Variants in RPH3AL observed in about 807,000 individuals in gnomAD.
RPH3AL encodes rab effector Noc2.
A neutral mutation model predicts 43.1 loss-of-function variants in RPH3AL; 38 were observed. That is an observed-to-expected ratio of 0.88 (90% CI 0.68 to 1.15). The LOEUF (loss-of-function observed/expected upper bound fraction) is 1.15. Among genes scored for constraint, RPH3AL ranks in the 50% most tolerant of loss-of-function variants. The pLI is 0.00. For missense variants in RPH3AL, 462 were observed against 423.2 expected, an observed-to-expected ratio of 1.09 and a Z score of -0.81; for synonymous variants, 189 against 176.3, an observed-to-expected ratio of 1.07 and a Z score of -0.57.
chr17:215,741 G>A lies in RPH3AL; in HGVS notation c.789C>T (p.Cys263=). The change falls in exon 9 of 10, where the codon TGC becomes TGT. Residue 263 remains cysteine (C), a synonymous_variant. Transcript: ENST00000331302. This position sits in a 1 kb window ranked among gnomAD's most constrained non-coding sequence, Gnocchi z 4.1. The stretch of plus-strand genomic sequence containing the variant: ...TCTCACCACTGGCCAGGCTGCTCTG[G>A]CACCCAGAGAGGTGGCCCGGCGGGT... ...FTHPPGHLSG[C]QSSLASGETG... is the part of the protein sequence containing the mutation. The A allele has an allele frequency of 7.6e-7, 1 of 1,307,700 alleles. No homozygotes were observed. The highest frequency in any genetic ancestry group is 2.7e-5 in the South Asian group (1 of 37,624). The allele number at this position is 1,307,700 out of a possible 1,614,324, so 81.0% of individuals were successfully genotyped here.
At chr17:247,019 G>T in intron 7 of RPH3AL, 92 bp downstream of exon 7, 1 of 1,363,150 alleles carries the variant, frequency 7.3e-7, no homozygotes, top group Non-Finnish European at 1.0e-6. Context: ...GATGGAGGGT[G>T]CGGGGGACTG....
At chr17:222,154 C>G (rs555418846) in intron 7 of RPH3AL, among the ~76,000 whole-genome samples, 193 of 152,160 alleles carry the variant, frequency 1.3e-3, no homozygotes, top group African/African-American at 4.1e-3. Flanking sequence ...AGAGCTGACC[C>G]TTAGGGAGCA....
At chr17:284,296 G>A (rs1043524527) in intron 5 of RPH3AL, among the ~76,000 whole-genome samples, 1 of 152,186 alleles carries the variant, frequency 6.6e-6, no homozygotes, top group African/African-American at 2.4e-5. Flanking sequence ...CGGGCTGCCC[G>A]AGGTCACACA....
At chr17:259,273 G>A (rs1459065843) in intron 6 of RPH3AL, among the ~76,000 whole-genome samples, 3 of 152,188 alleles carry the variant, frequency 2.0e-5, no homozygotes, top group African/African-American at 7.2e-5. Flanking sequence ...AGTACAGGAG[G>A]TGCACCCATG....
chr17:316,519 G>A (rs76454319), intron 5 of RPH3AL, among the ~76,000 whole-genome samples: 4 of 45,496 alleles, frequency 8.8e-5, no homozygotes, highest in South Asian at 1.3e-3. Context: ...TCCACCTCCA[G>A]TGACCTGTAG....
rs72806069 is a variant in RPH3AL, at chr17:322,182, C to G, written c.78-767G>C. 2,912 of 152,300 alleles carry G rather than the reference C, an allele frequency of 0.019. 44 individuals carry two copies. Among genetic ancestry groups the G allele is most frequent in the Non-Finnish European group, 0.031 (2,106 of 68,094 alleles). 9.4% of individuals were successfully genotyped at this position (152,300 alleles called of 1,614,324 possible). On this transcript the variant is annotated intron_variant, in intron 3 of 9. Coordinates refer to ENST00000331302, the MANE Select transcript of RPH3AL (RefSeq NM_006987.4). The surrounding 1 kb of genome is among the most constrained non-coding windows in gnomAD (Gnocchi z 4.0). Reference sequence around the variant, plus strand: ...CGGAGGTTGAGCTGTCTCTGCTCCACTGGGCTGCGGGACTGACGCCTCCTG... The same window carrying G: ...CGGAGGTTGAGCTGTCTCTGCTCCAGTGGGCTGCGGGACTGACGCCTCCTG...
chr17:319,479 A>G lies in RPH3AL; in HGVS notation c.292T>C (p.Cys98Arg). ...CCCAGGAAGCCCAGCACCTCCCCGCAGAGCAGACACTGGGACAGGCCGTTC... is the reference window on the plus strand; with the variant it reads ...CCCAGGAAGCCCAGCACCTCCCCGCGGAGCAGACACTGGGACAGGCCGTTC... Reference protein sequence around the residue: ...MGNGLSQCLLCGEVLGFLGSS... With the variant: ...MGNGLSQCLLRGEVLGFLGSS... The change falls in exon 5 of 10, where the codon TGC (cysteine) becomes CGC (arginine). Residue 98 changes from cysteine (C) to arginine (R), a missense_variant. By Grantham distance (180) the Cys-to-Arg change is radical. Transcript: ENST00000331302. 6.2e-7 allele frequency: 1 copy of G among 1,612,710 alleles called. No homozygotes were observed. Among genetic ancestry groups the G allele is most frequent in the Non-Finnish European group, 8.5e-7 (1 of 1,179,960 alleles).
chr17:305,836 T>TCCTC (rs2043472465), intron 5 of RPH3AL, among the ~76,000 whole-genome samples: 1 of 151,018 alleles, frequency 6.6e-6, no homozygotes, highest in East Asian at 2.0e-4. Context: ...CCAGCCCCTT[T>TCCTC]CTTCCTTCCC....
At chr17:294,927 T>A (rs796466213) in intron 5 of RPH3AL, among the ~76,000 whole-genome samples, 2,187 of 18,192 alleles carry the variant, frequency 0.12, 5 homozygotes, top group East Asian at 0.33. Flanking sequence ...GGGACAGAGA[T>A]GCTGCAGAAA....
chr17:248,818 T>C (rs1329041626), intron 6 of RPH3AL, among the ~76,000 whole-genome samples: 6 of 152,218 alleles, frequency 3.9e-5, no homozygotes, highest in African/African-American at 1.4e-4. Context: ...TGAAACATGA[T>C]AGCTGCTGAG....
At chr17:261,613 G>A (rs1332561919) in intron 6 of RPH3AL, 1 of 152,232 alleles carries the variant, frequency 6.6e-6, no homozygotes, top group Non-Finnish European at 1.5e-5. Flanking sequence ...AATCGCATTA[G>A]ACTTATCACT....
chr17:314,346 G>A (rs999904298), intron 5 of RPH3AL, among the ~76,000 whole-genome samples: 5 of 151,562 alleles, frequency 3.3e-5, no homozygotes, highest in African/African-American at 4.9e-5. Flanking sequence ...GCCAGCTCCC[G>A]TTCTCCCAGG....
chr17:222,888 C>T (rs1031100863), intron 7 of RPH3AL, among the ~76,000 whole-genome samples: 5 of 152,178 alleles, frequency 3.3e-5, no homozygotes, highest in African/African-American at 9.7e-5. Flanking sequence ...AAGCAAGTTG[C>T]CTCCATCAAT....
chr17:301,728 C>T (rs886835345), intron 5 of RPH3AL, among the ~76,000 whole-genome samples: 27 of 152,276 alleles, frequency 1.8e-4, no homozygotes, highest in Middle Eastern at 3.4e-3. Context: ...TGTGACCCAC[C>T]GCGCCCGGCC....
rs1555539767 is a variant in RPH3AL, at chr17:245,934, G to C, written c.613+1177C>G. ...CTCATAGGCAGCAGAGGTGTACGCA[G>C]CATCCGGTAGGACCAGCGAGGAGAG... On this transcript the variant is annotated intron_variant, in intron 7 of 9. Transcript: ENST00000331302. This position sits in a 1 kb window ranked among gnomAD's most constrained non-coding sequence, Gnocchi z 5.9. Among the ~76,000 whole-genome samples, 1 of 152,184 alleles carries C rather than the reference G, an allele frequency of 6.6e-6. No individual in the cohort carries two copies. Among genetic ancestry groups the C allele is most frequent in the African/African-American group, 2.4e-5 (1 of 41,426 alleles).
At chr17:331,205 C>G (rs562516221) in intron 2 of RPH3AL, 3 of 91,418 alleles carry the variant, frequency 3.3e-5, no homozygotes, top group African/African-American at 1.2e-4. Context: ...GAACTGCTTC[C>G]TACATGTCCC....
intron 5 of RPH3AL, among the ~76,000 whole-genome samples, chr17:306,905 C>G (rs182847657): frequency 6.6e-6 from 1 of 152,258 alleles, no homozygotes; most frequent in Admixed American, 6.5e-5. Flanking sequence ...CTCCCAGCTG[C>G]GCCCGATGCC....
chr17:245,454 G>T lies in RPH3AL; in HGVS notation c.613+1657C>A, dbSNP rs2041740256. 6.9e-6 allele frequency among the ~76,000 whole-genome samples: 1 copy of T among 143,912 alleles called. No individual in the cohort carries two copies. Among genetic ancestry groups the T allele is most frequent in the South Asian group, 2.7e-4 (1 of 3,650 alleles). The allele number at this position is 143,912 out of a possible 152,430, so 94.4% of individuals were successfully genotyped here. A position where few individuals can be genotyped will look rare whatever the true frequency, so the allele number is the denominator to read the frequency against. The stretch of plus-strand genomic sequence containing the variant: ...GTAGGTGTGAGCGTGTGTCAATGCG[G>T]TTGTGTTTGTGTGCGTGGATGTGAG... On this transcript the variant is annotated intron_variant, in intron 7 of 9. Coordinates refer to ENST00000331302, the MANE Select transcript of RPH3AL (RefSeq NM_006987.4). This position sits in a 1 kb window ranked among gnomAD's most constrained non-coding sequence, Gnocchi z 5.9.
chr17:332,015 T>G, intron 2 of RPH3AL: 4 of 536,470 alleles, frequency 7.5e-6, no homozygotes, highest in South Asian at 7.0e-5. Context: ...GGAGGTTCTG[T>G]GGACAGGGCT....
Sources: allele counts gnomAD v4.1 joint callset (sites outside exome capture counted in the v4.1 genomes callset), GRCh38; gene constraint gnomAD v4.1.1; non-coding constraint Gnocchi (gnomAD v3.1); transcripts MANE v1.5; gene names NCBI Gene and HGNC (gene_info 2026-07-23, HGNC 2026-07-21).